Variants in SCN1A observed in about 807,000 individuals in gnomAD.
SCN1A encodes sodium voltage-gated channel alpha subunit 1, also known as sodium channel protein type 1 subunit alpha.
A neutral mutation model predicts 193.7 loss-of-function variants in SCN1A; 13 were observed. That is an observed-to-expected ratio of 0.07 (90% CI 0.04 to 0.11). The LOEUF (loss-of-function observed/expected upper bound fraction) is 0.11, where lower values mean the gene tolerates loss of function less well. Ranked by LOEUF, SCN1A falls within the 10% of genes least tolerant of loss-of-function variation. SCN1A has a pLI of 1.00. For missense variants in SCN1A, 1,432 were observed against 2,451.1 expected (o/e 0.58, Z 8.78); for synonymous variants, 781 against 843.6 (o/e 0.93, Z 1.29).
At chr2:166,091,360 C>T (rs758958181) in intron 2 of SCN1A, among the ~76,000 whole-genome samples, 22 of 152,122 alleles carry the variant, frequency 1.4e-4, no homozygotes, top group Non-Finnish European at 3.2e-4. Context: ...AGAAACTAGA[C>T]ATATAGCAAT....
chr2:166,051,875 T>A lies in SCN1A; in HGVS notation c.808A>T (p.Met270Leu). ...VFALIGLQLFMGNLRNKCIQW... is the reference protein window; with the variant it reads ...VFALIGLQLFLGNLRNKCIQW... ...ATACATTTATTCCTCAGGTTGCCCA[T>A]GAACAGCTGCAGCCCAATTAGAGCA... The change falls in exon 9 of 29, where the codon ATG (methionine) becomes TTG (leucine). Residue 270 changes from methionine (M) to leucine (L), a missense_variant. Met to Leu is a conservative substitution (Grantham distance 15). Around this residue, in one of 18 missense-constraint regions of SCN1A, gnomAD observed 123 missense variants for 282.8 expected, o/e 0.43. Coordinates refer to ENST00000674923, the MANE Select transcript of SCN1A (RefSeq NM_001165963.4). 1 of 1,612,652 alleles carries A rather than the reference T, an allele frequency of 6.2e-7. No individual in the cohort carries two copies. Among genetic ancestry groups the A allele is most frequent in the African/African-American group, 1.3e-5 (1 of 74,924 alleles).
chr2:166,016,669 T>G (rs1177645718), intron 19 of SCN1A: 1 of 152,030 alleles, frequency 6.6e-6, no homozygotes, highest in Non-Finnish European at 1.5e-5. Flanking sequence ...AATTAATTCA[T>G]TAATTTATTC....
At chr2:166,046,304 A>G (rs1411211533) in intron 12 of SCN1A, among the ~76,000 whole-genome samples, 4 of 152,190 alleles carry the variant, frequency 2.6e-5, no homozygotes, top group Non-Finnish European at 4.4e-5. Context: ...ATCAGAGATC[A>G]TTATATTATT....
At chr2:166,018,104 G>C (rs1693552414) in intron 19 of SCN1A, among the ~76,000 whole-genome samples, 1 of 151,934 alleles carries the variant, frequency 6.6e-6, no homozygotes, top group Non-Finnish European at 1.5e-5. Flanking sequence ...TTGATTACTA[G>C]TAATATCATG....
chr2:166,115,794 A>G (rs1324429946), intron 2 of SCN1A, among the ~76,000 whole-genome samples: 3 of 152,230 alleles, frequency 2.0e-5, no homozygotes, highest in Non-Finnish European at 4.4e-5. Context: ...ACTTAGTCAC[A>G]TCAGACAATA....
chr2:166,093,658 A>C (rs1687069040), intron 2 of SCN1A, among the ~76,000 whole-genome samples: 1 of 152,146 alleles, frequency 6.6e-6, no homozygotes. Context: ...TCTTATAATA[A>C]ATAAACCATT....
intron 5 of SCN1A, among the ~76,000 whole-genome samples, chr2:166,057,546 T>C: frequency 6.6e-6 from 1 of 151,874 alleles, no homozygotes; most frequent in Non-Finnish European, 1.5e-5. Context: ...AAAAAGAAAG[T>C]TTTCATCAAA....
chr2:166,043,023 G>A (rs1197140312), intron 14 of SCN1A, among the ~76,000 whole-genome samples: 1 of 152,176 alleles, frequency 6.6e-6, no homozygotes, highest in East Asian at 1.9e-4. Context: ...TTCCAAGTGA[G>A]TAAACAGTCT....
chr2:166,014,008 A>G, intron 20 of SCN1A, 110 bp from the exon 21 acceptor site: 1 of 1,299,974 alleles, frequency 7.7e-7, no homozygotes, highest in Non-Finnish European at 1.1e-6. Flanking sequence ...CTGTCTTGCT[A>G]GCATAGCTCT....
At position 166,013,819 on chromosome 2, in the gene SCN1A, C is replaced by T. The variant is rs377326177; in HGVS notation, c.3630G>A (p.Thr1210=). ...RGKQWWNLRR[T]CFRIVEHNWF... is the part of the protein sequence containing the mutation. Reference sequence around the variant, plus strand: ...AGTTATGTTCAACTATTCGGAAACACGTCCTTCTCAGGTTCCACCATTGTT... The same window carrying T: ...AGTTATGTTCAACTATTCGGAAACATGTCCTTCTCAGGTTCCACCATTGTT... The change falls in exon 21 of 29, where the codon ACG becomes ACA. Residue 1210 remains threonine, a synonymous_variant. Coordinates refer to ENST00000674923, the MANE Select transcript of SCN1A (RefSeq NM_001165963.4). 1.1e-5 allele frequency: 18 copies of T among 1,612,266 alleles called. No individual in the cohort carries two copies. The highest frequency in any genetic ancestry group is 1.5e-5 in the Non-Finnish European group (18 of 1,178,724).
chr2:166,121,995 G>T (rs1002127025), intron 2 of SCN1A, among the ~76,000 whole-genome samples: 26 of 152,188 alleles, frequency 1.7e-4, no homozygotes, highest in Admixed American at 1.7e-3. Flanking sequence ...CAGAGGAAAA[G>T]ACAGACATCA....
intron 10 of SCN1A, among the ~76,000 whole-genome samples, chr2:166,048,526 C>T (rs989146967): frequency 1.3e-5 from 2 of 152,124 alleles, no homozygotes; most frequent in African/African-American, 2.4e-5. Context: ...CTGCAAAGGA[C>T]ATGATCTAGT....
chr2:166,106,118 C>T (rs1391871272), intron 2 of SCN1A, among the ~76,000 whole-genome samples: 4 of 152,186 alleles, frequency 2.6e-5, no homozygotes, highest in South Asian at 2.1e-4. Context: ...ACCTGGAAAG[C>T]GGAGCTTGCA....
At chr2:166,009,880 C>A (rs763381638) in intron 22 of SCN1A, 39 bp from the exon 23 acceptor site, 20 of 1,591,514 alleles carry the variant, frequency 1.3e-5, no homozygotes, top group Non-Finnish European at 1.5e-5. Flanking sequence ...TAAACAGAAT[C>A]ATCATTCAAT....
Position 166,024,942 on chromosome 2 carries a change from C to T in SCN1A, c.3430-9215G>A, listed in dbSNP as rs914333692. ...GTGCTGTGACTACAGGAGTGAGCCACGGTGCTTGGTCTTTTGCCTATTTTT... is the reference window on the plus strand; with the variant it reads ...GTGCTGTGACTACAGGAGTGAGCCATGGTGCTTGGTCTTTTGCCTATTTTT... On this transcript the variant is annotated intron_variant, in intron 19 of 28. Transcript: ENST00000674923. 2.2e-4 allele frequency among the ~76,000 whole-genome samples: 33 copies of T among 152,338 alleles called. 1 individual carries two copies. The highest frequency in any genetic ancestry group is 4.4e-5 in the Non-Finnish European group (3 of 68,028).
chr2:166,127,003 A>T lies in SCN1A; in HGVS notation c.-221T>A, dbSNP rs566293164. 6.6e-6 allele frequency: 1 copy of T among 152,372 alleles called. No individual in the cohort carries two copies. Among genetic ancestry groups the T allele is most frequent in the East Asian group, 1.9e-4 (1 of 5,182 alleles). The allele number at this position is 152,372 out of a possible 1,614,324, so 9.4% of individuals were successfully genotyped here. A position where few individuals can be genotyped will look rare whatever the true frequency, so the allele number is the denominator to read the frequency against. On this transcript the variant is annotated 5_prime_UTR_variant, in exon 2 of 29. Coordinates refer to ENST00000674923, the MANE Select transcript of SCN1A (RefSeq NM_001165963.4). ...TCACCTCCACTCAGAAATAATTCTT[A>T]TGCTGTTCTGAAAAGCAAGACGGTT... is the stretch of plus-strand genomic sequence containing the variant.
intron 2 of SCN1A, among the ~76,000 whole-genome samples, chr2:166,103,449 TTAAATAAA>T (rs56754104): frequency 0.074 from 10,637 of 142,910 alleles, 485 homozygotes; most frequent in Middle Eastern, 0.22. Flanking sequence ...AGACTCTGTC[TTAAATAAA>T]TAAATAAATA....
At chr2:166,026,714 T>G (rs1486813510) in intron 19 of SCN1A, among the ~76,000 whole-genome samples, 1 of 144,258 alleles carries the variant, frequency 6.9e-6, no homozygotes, top group Non-Finnish European at 1.5e-5. Flanking sequence ...GACTGAGTCT[T>G]GCTCTGTCGC....
At chr2:166,104,701 C>A (rs1384422486) in intron 2 of SCN1A, among the ~76,000 whole-genome samples, 1 of 152,082 alleles carries the variant, frequency 6.6e-6, no homozygotes, top group African/African-American at 2.4e-5. Flanking sequence ...AAGGTGGCAC[C>A]ACTGCACTCC....
Sources: gnomAD v4.1 joint callset for allele counts (sites outside exome capture counted in the v4.1 genomes callset) on GRCh38, gnomAD v4.1.1 for gene constraint, gnomAD v4.1.1 regional missense constraint, MANE v1.5 for transcripts, NCBI Gene and HGNC (gene_info 2026-07-23, HGNC 2026-07-21) for gene names.